Variants in RDX observed in about 807,000 individuals in gnomAD.
RDX encodes radixin, also known as deafness, autosomal recessive 24.
RDX carries 32 observed loss-of-function variants against 83.7 expected under a neutral mutation model. That is an observed-to-expected ratio of 0.38 (90% CI 0.29 to 0.51). The LOEUF is 0.51. Among genes scored for constraint, RDX ranks in the 20% least tolerant of loss-of-function variants. RDX has a pLI of 0.87. For missense variants in RDX, 600 were observed against 689.9 expected (o/e 0.87, Z 1.46); for synonymous variants, 229 against 222.7 (o/e 1.03, Z -0.25).
intron 10 of RDX, among the ~76,000 whole-genome samples, chr11:110,239,216 C>CAA (rs748146952): frequency 1.5e-5 from 2 of 134,692 alleles, no homozygotes; most frequent in East Asian, 2.1e-4. Context: ...TTTACCATAG[C>CAA]CAAAAAAAAA....
intron 14 of RDX, among the ~76,000 whole-genome samples, chr11:110,221,391 A>G (rs1407934148): frequency 1.3e-5 from 2 of 152,126 alleles, no homozygotes; most frequent in Non-Finnish European, 1.5e-5. Flanking sequence ...TGAGGCCAGA[A>G]GTTTGAGACC....
intron 5 of RDX, among the ~76,000 whole-genome samples, chr11:110,260,435 T>C (rs774899703): frequency 1.1e-4 from 16 of 152,290 alleles, no homozygotes; most frequent in Non-Finnish European, 2.4e-4. Flanking sequence ...GATATAATAC[T>C]CTTCTGGTAT....
intron 14 of RDX, among the ~76,000 whole-genome samples, chr11:110,223,295 G>A (rs1280719179): frequency 6.6e-6 from 1 of 152,134 alleles, no homozygotes; most frequent in Non-Finnish European, 1.5e-5. Flanking sequence ...GGAGCTTGCA[G>A]TGAGCGGAGA....
chr11:110,184,332 G>A (rs1176989124), intron 15 of RDX, among the ~76,000 whole-genome samples: 1 of 152,244 alleles, frequency 6.6e-6, no homozygotes, highest in African/African-American at 2.4e-5. Flanking sequence ...CCCAGGCGGT[G>A]AACAGCCCTG....
chr11:110,257,735 T>C lies in RDX; in HGVS notation c.698+32A>G, dbSNP rs745786340. The C allele has an allele frequency of 6.2e-6, 10 of 1,604,866 alleles. No homozygotes were observed. The South Asian group carries it at 7.7e-5, about 12-fold the overall frequency. On this transcript the variant is annotated intron_variant, in intron 7 of 13. Coordinates refer to ENST00000645495, the MANE Select transcript of RDX (RefSeq NM_002906.4). Reference sequence around the variant, plus strand: ...TAACGTCATTTAGACCACTGAACAATGACTAGTTCACTATGCAACTAATTT... The same window carrying C: ...TAACGTCATTTAGACCACTGAACAACGACTAGTTCACTATGCAACTAATTT...
chr11:110,195,124 G>A (rs1005099644), intron 15 of RDX, among the ~76,000 whole-genome samples: 3 of 152,118 alleles, frequency 2.0e-5, no homozygotes, highest in African/African-American at 7.2e-5. Flanking sequence ...CCGAGTAGCT[G>A]GGATTACAGG....
At chr11:110,225,818 G>A (rs1045873128), downstream of RDX, among the ~76,000 whole-genome samples, 6 of 151,836 alleles carry the variant, frequency 4.0e-5, no homozygotes, top group African/African-American at 4.8e-5. Flanking sequence ...AGGCCAAGGC[G>A]GGCAGATCAC....
chr11:110,188,335 T>C (rs150076327), intron 15 of RDX, among the ~76,000 whole-genome samples: 2,379 of 149,032 alleles, frequency 0.016, 79 homozygotes, highest in African/African-American at 0.054. Flanking sequence ...ATAATAATAA[T>C]AACAATAATA....
At chr11:110,202,445 G>GTTTTT in intron 14 of RDX, among the ~76,000 whole-genome samples, 1 of 151,920 alleles carries the variant, frequency 6.6e-6, no homozygotes, top group Middle Eastern at 3.2e-3. Flanking sequence ...TTTAGACAGG[G>GTTTTT]TTTTGCTCTG....
rs74241329 is a variant in RDX at position 110,238,656 on chromosome 11, G to A, written c.1091-1004C>T. ...GGAAGGTTTTAGGCCAGGTGTTGTG[G>A]CTCATGCCTGTAATCCCAGCACTTT... On this transcript the variant is annotated intron_variant, in intron 10 of 13. Coordinates refer to ENST00000645495, the MANE Select transcript of RDX (RefSeq NM_002906.4). Among the ~76,000 whole-genome samples, 1,438 of 152,282 alleles carry A rather than the reference G, an allele frequency of 9.4e-3. 59 individuals are homozygous for A. The East Asian group carries it at 0.12, about 13-fold the overall frequency.
chr11:110,278,613 T>TCTAAAA (rs1860613541), intron 2 of RDX, among the ~76,000 whole-genome samples: 1 of 152,116 alleles, frequency 6.6e-6, no homozygotes, highest in Non-Finnish European at 1.5e-5. Flanking sequence ...TAAATTCAGT[T>TCTAAAA]ATTGGTTCTA....
At chr11:110,263,895 TTTTA>T (rs1160374157) in intron 5 of RDX, 61 bp downstream of exon 5, 4 of 1,426,748 alleles carry the variant, frequency 2.8e-6, no homozygotes, top group Non-Finnish European at 3.9e-6. Flanking sequence ...CTGAAAAACG[TTTTA>T]TTTATAGACT....
chr11:110,259,987 C>CTT (rs926917709), intron 5 of RDX, among the ~76,000 whole-genome samples: 2 of 145,022 alleles, frequency 1.4e-5, no homozygotes, highest in African/African-American at 2.5e-5. Context: ...AACTGTTCTT[C>CTT]TTTTTTTTTT....
chr11:110,284,838 A>T (rs1392113374), intron 1 of RDX, among the ~76,000 whole-genome samples: 1 of 152,152 alleles, frequency 6.6e-6, no homozygotes, highest in Non-Finnish European at 1.5e-5. Flanking sequence ...AGGTATTATT[A>T]AAAAGGATGT....
chr11:110,225,863 A>G (rs1435346455), downstream of RDX, among the ~76,000 whole-genome samples: 1 of 151,956 alleles, frequency 6.6e-6, no homozygotes, highest in Non-Finnish European at 1.5e-5. Context: ...CCTAACCAAC[A>G]TGGAGAAATC....
chr11:110,229,408 C>CA (rs927656834), downstream of RDX: 133 of 152,414 alleles, frequency 8.7e-4, 1 homozygote, highest in African/African-American at 3.1e-3. Flanking sequence ...AAGAAACATA[C>CA]AAAAAATCCA....
chr11:110,221,949 C>G (rs1864264879), intron 14 of RDX, among the ~76,000 whole-genome samples: 1 of 152,054 alleles, frequency 6.6e-6, no homozygotes, highest in African/African-American at 2.4e-5. Flanking sequence ...CCCATAATTC[C>G]AACAGTGCAC....
At chr11:110,278,753 C>A (rs1197428560) in intron 2 of RDX, among the ~76,000 whole-genome samples, 7 of 151,480 alleles carry the variant, frequency 4.6e-5, no homozygotes, top group African/African-American at 1.2e-4. Context: ...TACTTTGCGA[C>A]CTGCTGAGTC....
rs1351855596 is a variant in RDX at position 110,198,939 on chromosome 11, C to T, written c.*31+642G>A. ...CAAGCAATTCTTCTGCCTTAGCCTCCGAAGTAGCTGGGACTACAGGCATGC... is the reference window on the plus strand; with the variant it reads ...CAAGCAATTCTTCTGCCTTAGCCTCTGAAGTAGCTGGGACTACAGGCATGC... On this transcript the variant is annotated intron_variant, in intron 15 of 15. Transcript: ENST00000528498. Among the ~76,000 whole-genome samples the T allele has an allele frequency of 9.2e-5, 14 of 152,118 alleles. No individual in the cohort carries two copies. In the East Asian group the frequency reaches 2.7e-3, roughly 29 times the overall value.
Sources: gnomAD v4.1 joint callset for allele counts (sites outside exome capture counted in the v4.1 genomes callset) on GRCh38, gnomAD v4.1.1 for gene constraint, MANE v1.5 for transcripts, NCBI Gene and HGNC (gene_info 2026-07-23, HGNC 2026-07-21) for gene names.